LDLRAD4: variants seen among roughly 807,000 people sequenced by gnomAD.
The protein encoded by LDLRAD4 is low-density lipoprotein receptor class A domain-containing protein 4.
A neutral mutation model predicts 17.0 loss-of-function variants in LDLRAD4; 5 were observed. The ratio of observed to expected loss-of-function variants is 0.29; its 90% CI spans 0.15 to 0.62. LDLRAD4 has a LOEUF of 0.62. LDLRAD4 is among the 20% of genes least tolerant of loss of function. LDLRAD4 has a pLI of 0.84. For synonymous variants in LDLRAD4, 168 were observed against 171.8 expected, an observed-to-expected ratio of 0.98 and a Z score of 0.17; for missense variants, 340 against 424.7, an observed-to-expected ratio of 0.80 and a Z score of 1.75.
intron 3 of LDLRAD4, among the ~76,000 whole-genome samples, chr18:13,536,675 A>G (rs917813011): frequency 6.6e-6 from 1 of 152,144 alleles, no homozygotes; most frequent in East Asian, 1.9e-4. Context: ...AGCATTTAAA[A>G]AAATAGGACA....
intron 3 of LDLRAD4, among the ~76,000 whole-genome samples, chr18:13,564,604 A>C (rs1458497319): frequency 7.3e-5 from 11 of 151,008 alleles, no homozygotes; most frequent in African/African-American, 2.4e-5. Context: ...AAAAAAAAAA[A>C]AACTCACAAA....
chr18:13,352,688 C>T (rs1444402039), intron 1 of LDLRAD4, among the ~76,000 whole-genome samples: 3 of 152,128 alleles, frequency 2.0e-5, no homozygotes, highest in Admixed American at 2.0e-4. Context: ...TTTCTCTCTT[C>T]TCCTTCTGGA....
At chr18:13,488,724 G>T (rs543578207) in intron 3 of LDLRAD4, 20 of 152,430 alleles carry the variant, frequency 1.3e-4, no homozygotes, top group Non-Finnish European at 2.8e-4. Flanking sequence ...CTCACGTGGG[G>T]CACACACACC....
At chr18:13,513,673 C>T (rs74416374) in intron 3 of LDLRAD4, among the ~76,000 whole-genome samples, 4,440 of 152,254 alleles carry the variant, frequency 0.029, 78 homozygotes, top group Middle Eastern at 0.048. Context: ...ATGTTCAAAT[C>T]ACCAGGGCCC....
Position 13,523,506 on chromosome 18 carries a change from G to A in LDLRAD4, c.181+85122G>A, listed in dbSNP as rs79710942. Reference sequence around the variant, plus strand: ...CAGGCCTGGGATGAGAGTGCAGCCCGCCTTGATCCCAGCCTCAGGAGAGCC... The same window carrying A: ...CAGGCCTGGGATGAGAGTGCAGCCCACCTTGATCCCAGCCTCAGGAGAGCC... On this transcript the variant is annotated intron_variant, in intron 3 of 5. Coordinates refer to ENST00000359446, the Ensembl canonical transcript of LDLRAD4. 2.0e-3 allele frequency among the ~76,000 whole-genome samples: 298 copies of A among 152,286 alleles called. 6 individuals carry two copies. In the East Asian group the frequency reaches 0.044, roughly 23 times the overall value.
chr18:13,418,863 C>T (rs955142488), intron 2 of LDLRAD4, among the ~76,000 whole-genome samples: 1 of 152,176 alleles, frequency 6.6e-6, no homozygotes, highest in Non-Finnish European at 1.5e-5. Flanking sequence ...GCTTTCAGCC[C>T]AGCCTCACCT....
At chr18:13,311,635 G>A (rs1442844042) in intron 1 of LDLRAD4, among the ~76,000 whole-genome samples, 4 of 152,202 alleles carry the variant, frequency 2.6e-5, no homozygotes, top group Admixed American at 2.6e-4. Context: ...GACAGCTGGC[G>A]ATGCTGCTGG....
At chr18:13,320,770 G>A (rs1449407819) in intron 1 of LDLRAD4, among the ~76,000 whole-genome samples, 9 of 152,184 alleles carry the variant, frequency 5.9e-5, no homozygotes, top group Admixed American at 2.6e-4. Flanking sequence ...TTTGAGTAAC[G>A]TGTGACGTGT....
intron 3 of LDLRAD4, among the ~76,000 whole-genome samples, chr18:13,591,259 T>C (rs2095023916): frequency 6.6e-6 from 1 of 152,244 alleles, no homozygotes; most frequent in South Asian, 2.1e-4. Flanking sequence ...ACTGTTATTG[T>C]AGAAACTGGT....
chr18:13,525,793 G>A (rs942133838), intron 3 of LDLRAD4, among the ~76,000 whole-genome samples: 1 of 152,196 alleles, frequency 6.6e-6, no homozygotes, highest in Non-Finnish European at 1.5e-5. Context: ...ACTATGAGAC[G>A]TGCTGTGCCC....
At chr18:13,644,041 A>G (rs772771719) in intron 5 of LDLRAD4, among the ~76,000 whole-genome samples, 3 of 152,202 alleles carry the variant, frequency 2.0e-5, no homozygotes, top group Non-Finnish European at 4.4e-5. Context: ...TTATAATCAT[A>G]TTTATTTGAG....
intron 3 of LDLRAD4, among the ~76,000 whole-genome samples, chr18:13,529,167 C>A (rs1430662090): frequency 1.3e-5 from 2 of 152,056 alleles, no homozygotes. Flanking sequence ...CTGAGCAAAC[C>A]AGAGCTTGCC....
chr18:13,477,226 G>A (rs949219585), intron 3 of LDLRAD4, among the ~76,000 whole-genome samples: 3 of 152,156 alleles, frequency 2.0e-5, no homozygotes, highest in Non-Finnish European at 4.4e-5. Flanking sequence ...TTAGACTTCT[G>A]CTCCTTGGCC....
intron 1 of LDLRAD4, among the ~76,000 whole-genome samples, chr18:13,266,222 G>A (rs1051782916): frequency 9.2e-5 from 14 of 152,146 alleles, no homozygotes; most frequent in African/African-American, 3.4e-4. Flanking sequence ...GGGCTCCCCC[G>A]ACTTCTTCCT....
intron 3 of LDLRAD4, among the ~76,000 whole-genome samples, chr18:13,507,586 C>T (rs2093714993): frequency 6.6e-6 from 1 of 152,170 alleles, no homozygotes; most frequent in African/African-American, 2.4e-5. Context: ...TAGGTTGGCT[C>T]CATATCTTTG....
intron 1 of LDLRAD4, among the ~76,000 whole-genome samples, chr18:13,369,842 A>G (rs2084329582): frequency 6.6e-6 from 1 of 152,162 alleles, no homozygotes; most frequent in Non-Finnish European, 1.5e-5. Flanking sequence ...ACAGATACAG[A>G]TGCCTCCTCC....
chr18:13,372,711 G>A (rs1055638567), intron 1 of LDLRAD4, among the ~76,000 whole-genome samples: 4 of 152,192 alleles, frequency 2.6e-5, no homozygotes, highest in African/African-American at 9.7e-5. Flanking sequence ...CACTGAAGAT[G>A]AGGAGGGTAT....
intron 3 of LDLRAD4, among the ~76,000 whole-genome samples, chr18:13,618,099 T>C (rs2040251335): frequency 6.6e-6 from 1 of 152,164 alleles, no homozygotes; most frequent in African/African-American, 2.4e-5. Flanking sequence ...AGCCACCAGC[T>C]GGAGAAGGCA....
chr18:13,533,146 C>T (rs923714724), intron 3 of LDLRAD4, among the ~76,000 whole-genome samples: 2 of 152,156 alleles, frequency 1.3e-5, no homozygotes, highest in African/African-American at 4.8e-5. Flanking sequence ...AGACAAGGTC[C>T]CTGCCCCTCA....
Sources: allele counts gnomAD v4.1 joint callset (sites outside exome capture counted in the v4.1 genomes callset), GRCh38; gene constraint gnomAD v4.1.1; transcripts MANE v1.5; gene names NCBI Gene and HGNC (gene_info 2026-07-23, HGNC 2026-07-21).